Variants in CEP112 observed in about 807,000 individuals in gnomAD.
CEP112 encodes centrosomal protein of 112 kDa.
Under a neutral mutation model 153.0 loss-of-function variants are expected in CEP112, and 127 were observed. The ratio of observed to expected loss-of-function variants is 0.83; its 90% CI spans 0.72 to 0.96. The LOEUF is 0.96. Ranked by LOEUF, CEP112 falls within the 40% of genes least tolerant of loss-of-function variation. CEP112 has a pLI of 0.00. For missense variants in CEP112, 1,089 were observed against 1,101.2 expected (o/e 0.99, Z 0.16); for synonymous variants, 358 against 374.4 (o/e 0.96, Z 0.51).
At chr17:66,118,053 C>T (rs888844874) in intron 6 of CEP112, among the ~76,000 whole-genome samples, 1 of 152,160 alleles carries the variant, frequency 6.6e-6, no homozygotes, top group Non-Finnish European at 1.5e-5. Flanking sequence ...CCCCTAGACA[C>T]TGGTGGTGGG....
intron 11 of CEP112, among the ~76,000 whole-genome samples, chr17:66,060,018 A>G (rs547869079): frequency 1.6e-4 from 25 of 152,318 alleles, no homozygotes; most frequent in African/African-American, 6.0e-4. Context: ...GCTGGTGGCC[A>G]TAATCCTAAG....
chr17:65,894,317 T>C (rs958226018), intron 20 of CEP112, among the ~76,000 whole-genome samples: 5 of 152,122 alleles, frequency 3.3e-5, no homozygotes, highest in African/African-American at 1.2e-4. Flanking sequence ...AGCTCTAGGA[T>C]GAAGCTAACA....
chr17:65,992,992 A>G (rs2063652040), intron 17 of CEP112, among the ~76,000 whole-genome samples: 1 of 152,124 alleles, frequency 6.6e-6, no homozygotes, highest in Non-Finnish European at 1.5e-5. Context: ...TTAGTTACAT[A>G]TGTAAATGTG....
intron 23 of CEP112, among the ~76,000 whole-genome samples, chr17:65,730,905 C>A (rs1171409159): frequency 6.6e-6 from 1 of 151,870 alleles, no homozygotes; most frequent in Non-Finnish European, 1.5e-5. Flanking sequence ...CTTTTCTATG[C>A]CTGCAAGCAA....
intron 19 of CEP112, among the ~76,000 whole-genome samples, chr17:65,920,530 T>G (rs890058545): frequency 2.0e-5 from 3 of 149,356 alleles, no homozygotes; most frequent in African/African-American, 5.0e-5. Flanking sequence ...TCCTAATAAC[T>G]GTGGGCTTTT....
At chr17:65,974,662 A>G (rs1413609629) in intron 17 of CEP112, among the ~76,000 whole-genome samples, 1 of 152,222 alleles carries the variant, frequency 6.6e-6, no homozygotes, top group African/African-American at 2.4e-5. Context: ...ACTGATGTAA[A>G]AAGAACGAGT....
intron 23 of CEP112, among the ~76,000 whole-genome samples, chr17:65,700,415 A>G (rs951217463): frequency 6.6e-6 from 1 of 152,188 alleles, no homozygotes; most frequent in Non-Finnish European, 1.5e-5. Context: ...AACGCCAGGG[A>G]AAGTTTAGAC....
At chr17:65,661,408 G>A (rs1468297778) in intron 24 of CEP112, among the ~76,000 whole-genome samples, 5 of 152,046 alleles carry the variant, frequency 3.3e-5, no homozygotes, top group Admixed American at 6.6e-5. Flanking sequence ...AATCTTCTAC[G>A]AATGCTATAT....
intron 23 of CEP112, among the ~76,000 whole-genome samples, chr17:65,717,963 T>C (rs934103280): frequency 6.6e-6 from 1 of 152,176 alleles, no homozygotes; most frequent in Admixed American, 6.6e-5. Context: ...GTACATTTTT[T>C]TTCTGATAAC....
In CEP112 at chr17:65,694,491, C is replaced by T. The variant is rs2048266637; in HGVS notation, c.2608-5273G>A. On this transcript the variant is annotated intron_variant, in intron 23 of 26. Coordinates refer to ENST00000535342, the MANE Select transcript of CEP112 (RefSeq NM_001199165.4). ...AAAAAGGCAGGCCTTTAAAAATTTC[C>T]TTATAAAGATGTAAAGTGTGATCTT... Among the ~76,000 whole-genome samples the T allele has an allele frequency of 2.6e-5, 4 of 152,084 alleles. No homozygotes were observed. The South Asian group carries it at 8.3e-4, about 32-fold the overall frequency.
chr17:66,120,460 C>A (rs968130251), intron 6 of CEP112, among the ~76,000 whole-genome samples: 11 of 152,206 alleles, frequency 7.2e-5, no homozygotes, highest in African/African-American at 1.7e-4. Context: ...CTTGGCCTCC[C>A]AAAGTGCTAG....
intron 24 of CEP112, among the ~76,000 whole-genome samples, chr17:65,663,507 G>T (rs1370041835): frequency 2.0e-5 from 3 of 152,136 alleles, no homozygotes; most frequent in African/African-American, 7.2e-5. Flanking sequence ...GAAGGTAGGA[G>T]CTCCCTATAT....
intron 23 of CEP112, among the ~76,000 whole-genome samples, chr17:65,721,011 T>C (rs200475566): frequency 0.12 from 9,649 of 81,846 alleles, 235 homozygotes; most frequent in African/African-American, 0.2. Context: ...CTCTCTCTCT[T>C]TTTTTTTTTT....
At chr17:65,901,597 T>A (rs906446217) in intron 20 of CEP112, among the ~76,000 whole-genome samples, 1 of 152,168 alleles carries the variant, frequency 6.6e-6, no homozygotes, top group African/African-American at 2.4e-5. Flanking sequence ...AGATGTGGGC[T>A]AGGAGGCATG....
At chr17:66,096,031 C>T (rs564678470) in intron 8 of CEP112, among the ~76,000 whole-genome samples, 7 of 152,216 alleles carry the variant, frequency 4.6e-5, no homozygotes, top group East Asian at 3.9e-4. Context: ...CACTGCACTC[C>T]AGCCGGACAA....
chr17:66,007,684 C>A (rs551623408), intron 16 of CEP112, among the ~76,000 whole-genome samples: 1 of 152,138 alleles, frequency 6.6e-6, no homozygotes, highest in East Asian at 1.9e-4. Context: ...AATCACCCAC[C>A]AATTTAGGAA....
At position 65,980,040 on chromosome 17, in the gene CEP112, G is replaced by T. The variant is rs566274160; in HGVS notation, c.1737-18442C>A. Among the ~76,000 whole-genome samples, 3 of 152,048 alleles carry T rather than the reference G, an allele frequency of 2.0e-5. No individual in the cohort carries two copies. In the South Asian group the frequency reaches 6.2e-4, roughly 32 times the overall value. On this transcript the variant is annotated intron_variant, in intron 17 of 26. Coordinates refer to ENST00000535342, the MANE Select transcript of CEP112 (RefSeq NM_001199165.4). ...AATCACATAACACCCCATTAAAAAA[G>T]AAAAAGCCAAATCAAAGAATCAGAC...
chr17:65,874,495 A>G (rs1485965248), intron 20 of CEP112, among the ~76,000 whole-genome samples: 1 of 152,182 alleles, frequency 6.6e-6, no homozygotes, highest in Non-Finnish European at 1.5e-5. Context: ...CCAAAGTAAC[A>G]TTAGTGGGAA....
At chr17:66,177,816 T>A (rs777481313) in intron 2 of CEP112, among the ~76,000 whole-genome samples, 1 of 152,180 alleles carries the variant, frequency 6.6e-6, no homozygotes, top group Non-Finnish European at 1.5e-5. Flanking sequence ...ATATGAAGAT[T>A]GTCTTTCTGT....
Sources: allele counts gnomAD v4.1 joint callset (sites outside exome capture counted in the v4.1 genomes callset), GRCh38; gene constraint gnomAD v4.1.1; transcripts MANE v1.5; gene names NCBI Gene and HGNC (gene_info 2026-07-23, HGNC 2026-07-21).